Variants in EYS observed in about 807,000 individuals in gnomAD.
The protein encoded by EYS is EGF-like photoreceptor maintenance factor, also known as protein eyes shut homolog.
In EYS, 250 loss-of-function variants were observed where a neutral mutation model predicts 282.1. The observed-to-expected ratio is 0.89, with a 90% confidence interval of 0.80 to 0.98. The LOEUF (loss-of-function observed/expected upper bound fraction) is 0.98, where lower values mean the gene tolerates loss of function less well. EYS is among the 50% of genes least tolerant of loss of function. EYS has a pLI of 0.00. For missense variants in EYS, 4,016 were observed against 3,709.0 expected (o/e 1.08, Z -2.15); for synonymous variants, 1,355 against 1,282.9 (o/e 1.06, Z -1.20).
chr6:64,442,182 C>T (rs1774971361), intron 26 of EYS, among the ~76,000 whole-genome samples: 1 of 152,122 alleles, frequency 6.6e-6, no homozygotes, highest in African/African-American at 2.4e-5. Flanking sequence ...GGAAATGGAG[C>T]AAAGGTGACC....
intron 13 of EYS, among the ~76,000 whole-genome samples, chr6:65,008,595 A>T (rs1771766390): frequency 6.6e-6 from 1 of 152,202 alleles, no homozygotes; most frequent in Non-Finnish European, 1.5e-5. Context: ...AGACACTTTA[A>T]AAAAGATTGT....
chr6:65,596,010 G>A (rs1211926573), intron 2 of EYS, among the ~76,000 whole-genome samples: 1 of 151,926 alleles, frequency 6.6e-6, no homozygotes, highest in Non-Finnish European at 1.5e-5. Flanking sequence ...CCCCTATGAG[G>A]AGAGAGGTCC....
At chr6:64,727,998 A>G (rs149793321) in intron 22 of EYS, among the ~76,000 whole-genome samples, 108 of 152,278 alleles carry the variant, frequency 7.1e-4, no homozygotes, top group Middle Eastern at 3.4e-3. Context: ...ACGGGTGGAA[A>G]CTGGAATGCA....
At chr6:64,179,049 C>T (rs531725818) in intron 31 of EYS, among the ~76,000 whole-genome samples, 129 of 152,030 alleles carry the variant, frequency 8.5e-4, no homozygotes, top group African/African-American at 3.0e-3. Context: ...TCCAAAGCCT[C>T]CGGAACACTA....
At chr6:65,498,810 T>C (rs569420125) in intron 2 of EYS, among the ~76,000 whole-genome samples, 12 of 152,026 alleles carry the variant, frequency 7.9e-5, no homozygotes, top group Non-Finnish European at 1.8e-4. Flanking sequence ...AAAGGTATGA[T>C]GTTATGTGTC....
chr6:64,125,181 T>TCTCTCTCGCGCGCGCGCGCG (rs1773732193), intron 31 of EYS, among the ~76,000 whole-genome samples: 1 of 150,448 alleles, frequency 6.6e-6, no homozygotes, highest in African/African-American at 2.5e-5. Context: ...TCTCTCGCTC[T>TCTCTCTCGCGCGCGCGCGCG]CTCTCTCTCT....
intron 26 of EYS, among the ~76,000 whole-genome samples, chr6:64,457,208 T>C (rs1279911072): frequency 6.6e-6 from 1 of 152,058 alleles, no homozygotes; most frequent in Non-Finnish European, 1.5e-5. Flanking sequence ...TCACATTTTA[T>C]ACCACCATGG....
intron 28 of EYS, among the ~76,000 whole-genome samples, chr6:64,389,632 C>T (rs1198323398): frequency 6.6e-6 from 1 of 151,960 alleles, no homozygotes; most frequent in Non-Finnish European, 1.5e-5. Context: ...ACTTTAAGTC[C>T]CAAAAGCCCA....
intron 1 of EYS, among the ~76,000 whole-genome samples, chr6:65,645,090 G>A (rs1248851652): frequency 6.6e-6 from 1 of 150,524 alleles, no homozygotes; most frequent in Non-Finnish European, 1.5e-5. Flanking sequence ...CTAATATAGG[G>A]ACTTTAGCAC....
chr6:65,229,273 A>C (rs545229819), intron 12 of EYS, among the ~76,000 whole-genome samples: 1,054 of 20,512 alleles, frequency 0.051, 10 homozygotes, highest in African/African-American at 0.08. Context: ...TAGATAAACA[A>C]AAAAGAAAAA....
At chr6:64,490,410 A>C (rs960045636) in intron 26 of EYS, among the ~76,000 whole-genome samples, 1 of 151,022 alleles carries the variant, frequency 6.6e-6, no homozygotes, top group Non-Finnish European at 1.5e-5. Context: ...TAATTTTGTC[A>C]TACAAATCAA....
chr6:65,645,392 C>T (rs1193159744), intron 1 of EYS, among the ~76,000 whole-genome samples: 2 of 152,062 alleles, frequency 1.3e-5, no homozygotes, highest in Non-Finnish European at 2.9e-5. Context: ...CCTTCAAAAC[C>T]ATGCAAATAC....
At chr6:64,737,489 T>G (rs11752546) in intron 22 of EYS, among the ~76,000 whole-genome samples, 7,161 of 152,276 alleles carry the variant, frequency 0.047, 233 homozygotes, top group East Asian at 0.18. Flanking sequence ...ATCTGGAAAC[T>G]TTCACCTCTC....
At chr6:65,148,297 G>A (rs944782483) in intron 12 of EYS, among the ~76,000 whole-genome samples, 2 of 152,106 alleles carry the variant, frequency 1.3e-5, no homozygotes, top group African/African-American at 4.8e-5. Context: ...GGGGGTACAG[G>A]CATTGTGTAA....
chr6:64,445,830 G>A (rs571289729), intron 26 of EYS, among the ~76,000 whole-genome samples: 2 of 152,228 alleles, frequency 1.3e-5, no homozygotes, highest in Admixed American at 1.3e-4. Context: ...GACCAATGAA[G>A]CCCTCTGTTG....
At chr6:64,425,286 T>TA (rs1250043003) in intron 28 of EYS, among the ~76,000 whole-genome samples, 1 of 152,016 alleles carries the variant, frequency 6.6e-6, no homozygotes, top group Non-Finnish European at 1.5e-5. Context: ...TATGTTTTTT[T>TA]AAAAAACACC....
intron 31 of EYS, among the ~76,000 whole-genome samples, chr6:64,165,152 T>C (rs112337083): frequency 2.5e-4 from 38 of 152,222 alleles, no homozygotes; most frequent in African/African-American, 8.9e-4. Flanking sequence ...GTAGTTCTTT[T>C]TATATCAATT....
intron 13 of EYS, among the ~76,000 whole-genome samples, chr6:65,044,199 G>A (rs1023836500): frequency 4.0e-5 from 6 of 151,638 alleles, no homozygotes; most frequent in African/African-American, 9.7e-5. Context: ...TTTGAGAAAC[G>A]TCTGTTCAGA....
At chr6:64,052,319 T>A (rs572863041) in intron 33 of EYS, among the ~76,000 whole-genome samples, 35 of 152,306 alleles carry the variant, frequency 2.3e-4, no homozygotes, top group African/African-American at 7.9e-4. Context: ...ACATGTGGTA[T>A]TTTAAAGCAA....
Sources: gnomAD v4.1 joint callset for allele counts (sites outside exome capture counted in the v4.1 genomes callset) on GRCh38, gnomAD v4.1.1 for gene constraint, MANE v1.5 for transcripts, NCBI Gene and HGNC (gene_info 2026-07-23, HGNC 2026-07-21) for gene names.